The following KLHL14 variants were observed in gnomAD, a reference collection of about 807,000 sequenced individuals.
The protein encoded by KLHL14 is kelch like family member 14, also known as kelch-like protein 14.
A neutral mutation model predicts 64.3 loss-of-function variants in KLHL14; 22 were observed. The observed-to-expected ratio is 0.34, with a 90% CI of 0.24 to 0.49. The LOEUF (loss-of-function observed/expected upper bound fraction) is 0.49. Ranked by LOEUF, KLHL14 falls within the 20% of genes least tolerant of loss-of-function variation. The probability of loss-of-function intolerance (pLI) is 0.99; values close to 1 mark genes in which losing one functional copy is unlikely to be tolerated. For synonymous variants in KLHL14, 322 were observed against 333.4 expected (o/e 0.97, Z 0.37); for missense variants, 661 against 789.0 (o/e 0.84, Z 1.94).
chr18:32,698,701 A>G (rs937256632), intron 3 of KLHL14, among the ~76,000 whole-genome samples: 1 of 152,160 alleles, frequency 6.6e-6, no homozygotes, highest in African/African-American at 2.4e-5. Flanking sequence ...AGACTTCTCA[A>G]CTTTATTAAA....
intron 2 of KLHL14, among the ~76,000 whole-genome samples, chr18:32,746,130 C>G (rs1435441030): frequency 6.6e-6 from 1 of 152,180 alleles, no homozygotes; most frequent in Non-Finnish European, 1.5e-5. Flanking sequence ...TTTTCAAATA[C>G]TCCTTTCACT....
intron 4 of KLHL14, among the ~76,000 whole-genome samples, chr18:32,692,405 C>T (rs1391959068): frequency 2.6e-5 from 4 of 152,126 alleles, no homozygotes; most frequent in Admixed American, 6.5e-5. Flanking sequence ...TCCGAACCCA[C>T]GGATTTAAAA....
intron 2 of KLHL14, among the ~76,000 whole-genome samples, chr18:32,769,442 G>T (rs1232572175): frequency 1.3e-5 from 2 of 152,186 alleles, no homozygotes; most frequent in Non-Finnish European, 2.9e-5. Flanking sequence ...CAGGGATGCT[G>T]CTAGGCCAGT....
chr18:32,760,409 AACAAT>A (rs2050308494), intron 2 of KLHL14, among the ~76,000 whole-genome samples: 1 of 151,898 alleles, frequency 6.6e-6, no homozygotes, highest in East Asian at 1.9e-4. Context: ...CATATTTTTC[AACAAT>A]GCCTCTACAT....
chr18:32,769,931 T>C lies in KLHL14; in HGVS notation c.661A>G (p.Met221Val). 6.2e-7 allele frequency: 1 copy of C among 1,614,060 alleles called. No homozygotes were observed. The highest frequency in any genetic ancestry group is 8.5e-7 in the Non-Finnish European group (1 of 1,180,002). ...GGCAGCGAGTCCAGCAGGGCGCGCA[T>C]CTCCTCGAAGTTGAGCAGCAGCACA... is the stretch of plus-strand genomic sequence containing the variant. ...EDVLLLNFEE[M>V]RALLDSLPPP... Residue 221 changes from methionine (M) to valine (V), a missense_variant, in exon 2 of 9, where the codon ATG becomes GTG. Met to Val is a conservative substitution (Grantham distance 21). Around this residue, in one of 2 missense-constraint regions of KLHL14, gnomAD observed 331 missense variants for 339.0 expected, o/e 0.98. Transcript: ENST00000359358.
At chr18:32,741,415 A>G (rs2050196854) in intron 3 of KLHL14, among the ~76,000 whole-genome samples, 1 of 152,226 alleles carries the variant, frequency 6.6e-6, no homozygotes, top group African/African-American at 2.4e-5. Context: ...GGCCACAAAT[A>G]TATCTGTCCA....
chr18:32,696,861 C>T (rs181635991), intron 3 of KLHL14, among the ~76,000 whole-genome samples: 1 of 152,092 alleles, frequency 6.6e-6, no homozygotes, highest in African/African-American at 2.4e-5. Context: ...CATAACACAG[C>T]CTCTGAAAGA....
chr18:32,700,113 T>C (rs2049957579), intron 3 of KLHL14, among the ~76,000 whole-genome samples: 1 of 152,168 alleles, frequency 6.6e-6, no homozygotes, highest in Non-Finnish European at 1.5e-5. Context: ...ATCTAAGGAA[T>C]GTAAACCTCT....
At chr18:32,685,147 C>A (rs1462186511) in intron 5 of KLHL14, among the ~76,000 whole-genome samples, 1 of 152,098 alleles carries the variant, frequency 6.6e-6, no homozygotes, top group Admixed American at 6.6e-5. Flanking sequence ...CGGGCGCCGA[C>A]AGACCATGGC....
rs1429170120 is a variant in KLHL14, at chr18:32,683,034, CCTT to C, written c.1239-2438_1239-2436del. On this transcript the variant is annotated intron_variant, in intron 5 of 8. Transcript: ENST00000359358. This position sits in a 1 kb window ranked among gnomAD's most constrained non-coding sequence, Gnocchi z 4.2. ...CACTTAGTCACAACAAGTATGAAAACCTTCTATTTAACTGAGTATAGATTTTGA... is the reference window on the plus strand; with the variant it reads ...CACTTAGTCACAACAAGTATGAAAACCTATTTAACTGAGTATAGATTTTGA... 2.6e-5 allele frequency among the ~76,000 whole-genome samples: 4 copies of C among 152,154 alleles called. No homozygotes were observed. The highest frequency in any genetic ancestry group is 4.8e-5 in the African/African-American group (2 of 41,440).
chr18:32,741,412 A>G (rs1175975242), intron 3 of KLHL14, among the ~76,000 whole-genome samples: 1 of 152,200 alleles, frequency 6.6e-6, no homozygotes, highest in African/African-American at 2.4e-5. Flanking sequence ...ATAGGCCACA[A>G]ATATATCTGT....
chr18:32,738,551 C>A (rs1456167808), intron 3 of KLHL14: 1 of 152,100 alleles, frequency 6.6e-6, no homozygotes, highest in East Asian at 1.9e-4. Flanking sequence ...ACGTTGCAGT[C>A]ATTTTTACAT....
At chr18:32,755,356 A>T (rs2050276457) in intron 2 of KLHL14, among the ~76,000 whole-genome samples, 2 of 152,120 alleles carry the variant, frequency 1.3e-5, no homozygotes, top group Admixed American at 6.5e-5. Context: ...ATATTCTCTG[A>T]AGCTGAATTG....
At chr18:32,716,777 T>C (rs1454874019) in intron 3 of KLHL14, among the ~76,000 whole-genome samples, 1 of 152,238 alleles carries the variant, frequency 6.6e-6, no homozygotes, top group African/African-American at 2.4e-5. Context: ...AGTTGATATT[T>C]AAAAATTGAT....
chr18:32,768,782 CA>C (rs1192649807), intron 2 of KLHL14, among the ~76,000 whole-genome samples: 1 of 152,170 alleles, frequency 6.6e-6, no homozygotes. Flanking sequence ...CTACTTGCAA[CA>C]CACACAGCCA....
At chr18:32,768,264 T>C (rs987486630) in intron 2 of KLHL14, among the ~76,000 whole-genome samples, 20 of 152,186 alleles carry the variant, frequency 1.3e-4, no homozygotes, top group African/African-American at 4.6e-4. Context: ...CAGGGTTTTG[T>C]TACAAGTTCA....
chr18:32,757,862 T>A (rs1420302223), intron 2 of KLHL14, among the ~76,000 whole-genome samples: 2 of 152,166 alleles, frequency 1.3e-5, no homozygotes, highest in Non-Finnish European at 2.9e-5. Flanking sequence ...ATAATAGTCA[T>A]AAGTGTCATA....
At chr18:32,686,959 G>A (rs2049882400) in intron 5 of KLHL14, among the ~76,000 whole-genome samples, 196 bp downstream of exon 5, 1 of 151,980 alleles carries the variant, frequency 6.6e-6, no homozygotes, top group Non-Finnish European at 1.5e-5. Context: ...CCTACATTAG[G>A]ACAAATAATT....
chr18:32,689,299 A>C lies in KLHL14; in HGVS notation c.1160-2066T>G, dbSNP rs541622617. ...TGGAGAGTGTATGAAAATGAAAGAC[A>C]ATGGGTCCTCAGAGTGAGCCCTGGA... On this transcript the variant is annotated intron_variant, in intron 4 of 8. Transcript: ENST00000359358. Among the ~76,000 whole-genome samples, 3 of 152,294 alleles carry C rather than the reference A, an allele frequency of 2.0e-5. No individual in the cohort carries two copies. The South Asian group carries it at 6.2e-4, about 32-fold the overall frequency.
Sources: allele counts gnomAD v4.1 joint callset (sites outside exome capture counted in the v4.1 genomes callset), GRCh38; gene constraint gnomAD v4.1.1; regional missense constraint gnomAD v4.1.1; non-coding constraint Gnocchi (gnomAD v3.1); transcripts MANE v1.5; gene names NCBI Gene and HGNC (gene_info 2026-07-23, HGNC 2026-07-21).